MCTP1: variants seen among roughly 807,000 people sequenced by gnomAD.
MCTP1 encodes multiple C2 and transmembrane domain containing 1.
A neutral mutation model predicts 120.6 loss-of-function variants in MCTP1; 69 were observed. The observed-to-expected ratio is 0.57, with a 90% confidence interval of 0.47 to 0.70. The LOEUF is 0.70. MCTP1 is among the 30% of genes least tolerant of loss of function. The pLI is 0.00. For missense variants in MCTP1, 1,203 were observed against 1,248.8 expected (o/e 0.96, Z 0.55); for synonymous variants, 529 against 493.1 (o/e 1.07, Z -0.96).
chr5:95,192,885 A>G (rs1749979023), intron 1 of MCTP1, among the ~76,000 whole-genome samples: 2 of 152,154 alleles, frequency 1.3e-5, no homozygotes, highest in Admixed American at 6.6e-5. Flanking sequence ...TTCTTGAGGG[A>G]ATAGATTGCT....
chr5:94,887,056 G>T (rs1159629878), intron 12 of MCTP1, among the ~76,000 whole-genome samples: 3 of 152,038 alleles, frequency 2.0e-5, no homozygotes, highest in Non-Finnish European at 4.4e-5. Flanking sequence ...TTATCTTTTT[G>T]CCCCTGAATA....
intron 19 of MCTP1, among the ~76,000 whole-genome samples, chr5:94,742,347 GC>G (rs999295042): frequency 1.3e-5 from 2 of 152,174 alleles, no homozygotes; most frequent in Non-Finnish European, 2.9e-5. Context: ...GCACTGCCAT[GC>G]CTGGCCAAGA....
At chr5:94,901,930 T>C (rs1476092422) in intron 10 of MCTP1, among the ~76,000 whole-genome samples, 2 of 152,170 alleles carry the variant, frequency 1.3e-5, no homozygotes, top group African/African-American at 4.8e-5. Context: ...GCCTCATCAG[T>C]CTCTAATACA....
At chr5:95,094,455 A>C (rs1004325019) in intron 1 of MCTP1, among the ~76,000 whole-genome samples, 1 of 152,252 alleles carries the variant, frequency 6.6e-6, no homozygotes, top group African/African-American at 2.4e-5. Context: ...ATCTTGACTC[A>C]TAAGATGTAA....
At chr5:94,884,477 T>G (rs1800799916) in intron 12 of MCTP1, among the ~76,000 whole-genome samples, 1 of 152,118 alleles carries the variant, frequency 6.6e-6, no homozygotes, top group Non-Finnish European at 1.5e-5. Flanking sequence ...TTAAGAGAGC[T>G]GAGGCATCCT....
At chr5:94,985,222 A>G (rs1290799677) in intron 2 of MCTP1, among the ~76,000 whole-genome samples, 1 of 152,168 alleles carries the variant, frequency 6.6e-6, no homozygotes, top group Non-Finnish European at 1.5e-5. Flanking sequence ...AATGCCCCCA[A>G]GTACTTTCTT....
chr5:95,072,538 TGCA>T (rs964517984), intron 1 of MCTP1, among the ~76,000 whole-genome samples: 4 of 152,176 alleles, frequency 2.6e-5, no homozygotes, highest in African/African-American at 9.7e-5. Flanking sequence ...GTGAAAATAT[TGCA>T]GCACAAAGGG....
At chr5:94,932,080 C>T in intron 5 of MCTP1, 89 bp from the exon 6 acceptor site, 2 of 872,526 alleles carry the variant, frequency 2.3e-6, no homozygotes, top group Non-Finnish European at 3.7e-6. Flanking sequence ...CATTTATTAG[C>T]CCTTGAAACA....
chr5:94,967,602 TAAG>T (rs1444336095), intron 2 of MCTP1, among the ~76,000 whole-genome samples: 1 of 152,184 alleles, frequency 6.6e-6, no homozygotes, highest in African/African-American at 2.4e-5. Flanking sequence ...ATTGAAGAGT[TAAG>T]TTAAAATTCA....
intron 1 of MCTP1, among the ~76,000 whole-genome samples, chr5:95,031,912 A>G (rs1230851582): frequency 6.6e-6 from 1 of 152,176 alleles, no homozygotes; most frequent in Non-Finnish European, 1.5e-5. Context: ...TAGCACACAA[A>G]TGGAAAACAA....
intron 1 of MCTP1, among the ~76,000 whole-genome samples, chr5:95,025,869 T>A (rs1318820492): frequency 5.9e-5 from 9 of 152,166 alleles, no homozygotes. Context: ...AAGCAAGTCT[T>A]TGTGAAAACT....
At chr5:94,802,989 T>G (rs1781524393) in intron 17 of MCTP1, among the ~76,000 whole-genome samples, 1 of 152,162 alleles carries the variant, frequency 6.6e-6, no homozygotes, top group Non-Finnish European at 1.5e-5. Context: ...TCTGTATTTT[T>G]TCCTCTCTCT....
At chr5:95,203,582 C>G (rs73142008) in intron 1 of MCTP1, among the ~76,000 whole-genome samples, 123 of 152,266 alleles carry the variant, frequency 8.1e-4, no homozygotes, top group African/African-American at 2.8e-3. Context: ...TCTTTCTTCA[C>G]TTATGTCTCC....
intron 1 of MCTP1, among the ~76,000 whole-genome samples, chr5:95,026,159 T>C (rs1839217989): frequency 6.6e-6 from 1 of 152,150 alleles, no homozygotes; most frequent in South Asian, 2.1e-4. Flanking sequence ...TTTTAATTTT[T>C]AATTTTTGTG....
At chr5:94,836,181 A>G (rs986951140) in intron 17 of MCTP1, among the ~76,000 whole-genome samples, 32 of 14,042 alleles carry the variant, frequency 2.3e-3, no homozygotes, top group Non-Finnish European at 1.8e-3. Context: ...CTCCGTCTCA[A>G]AAAAAAAAAA....
intron 18 of MCTP1, among the ~76,000 whole-genome samples, chr5:94,779,729 T>G (rs1486449771): frequency 6.6e-6 from 1 of 152,190 alleles, no homozygotes; most frequent in Non-Finnish European, 1.5e-5. Context: ...AAACTCTCAT[T>G]TTAATTCTCT....
chr5:94,923,948 G>A lies in MCTP1; in HGVS notation c.1272+14C>T. The A allele has an allele frequency of 6.7e-7, 1 of 1,486,204 alleles. No individual in the cohort carries two copies. The highest frequency in any genetic ancestry group is 9.0e-7 in the Non-Finnish European group (1 of 1,108,122). The allele number at this position is 1,486,204 out of a possible 1,614,324, so 92.1% of individuals were successfully genotyped here. A position where few individuals can be genotyped will look rare whatever the true frequency, so the allele number is the denominator to read the frequency against. On this transcript the variant is annotated intron_variant, in intron 7 of 22. Coordinates refer to ENST00000515393, the MANE Select transcript of MCTP1 (RefSeq NM_024717.7). ...AAAAATCAAGAATATTAACAAAAAG[G>A]ATTTAGACATTACCCTCCAAAAGAG...
intron 6 of MCTP1, chr5:94,929,690 A>G: frequency 2.0e-6 from 2 of 985,190 alleles, no homozygotes; most frequent in Non-Finnish European, 2.4e-6. Context: ...GTTTCAATGT[A>G]GCAGAGTGTG....
chr5:95,135,460 G>A (rs558521506), intron 1 of MCTP1, among the ~76,000 whole-genome samples: 1 of 152,340 alleles, frequency 6.6e-6, no homozygotes, highest in African/African-American at 2.4e-5. Context: ...ACTGAAGGAT[G>A]CAAAGTATTG....
Sources: gnomAD v4.1 joint callset for allele counts (sites outside exome capture counted in the v4.1 genomes callset) on GRCh38, gnomAD v4.1.1 for gene constraint, MANE v1.5 for transcripts, NCBI Gene and HGNC (gene_info 2026-07-23, HGNC 2026-07-21) for gene names.